The following CHSY3 variants were observed in gnomAD, a reference collection of about 807,000 sequenced individuals.
CHSY3 encodes N-acetylgalactosaminyl-proteoglycan 3-beta-glucuronosyltransferase 3.
A neutral mutation model predicts 67.2 loss-of-function variants in CHSY3; 35 were observed. That is an observed-to-expected ratio of 0.52 (90% CI 0.40 to 0.69). CHSY3 has a LOEUF of 0.69. Ranked by LOEUF, CHSY3 falls within the 30% of genes least tolerant of loss-of-function variation. The pLI, the probability that CHSY3 is intolerant of heterozygous loss-of-function variation, is 0.00. For synonymous variants in CHSY3, 474 were observed against 434.7 expected, an observed-to-expected ratio of 1.09 and a Z score of -1.12; for missense variants, 1,069 against 1,138.5, an observed-to-expected ratio of 0.94 and a Z score of 0.88.
chr5:130,164,268 C>A (rs568419717), intron 2 of CHSY3, among the ~76,000 whole-genome samples: 74 of 152,028 alleles, frequency 4.9e-4, no homozygotes, highest in African/African-American at 1.5e-3. Flanking sequence ...AGCCAGGGTC[C>A]AGGTAATAAG....
At chr5:129,967,087 T>C (rs950662543) in intron 2 of CHSY3, among the ~76,000 whole-genome samples, 1 of 151,808 alleles carries the variant, frequency 6.6e-6, no homozygotes, top group Non-Finnish European at 1.5e-5. Flanking sequence ...CCAAAGCCCT[T>C]GTTTAACATC....
chr5:129,973,327 A>T (rs1441504460), intron 2 of CHSY3, among the ~76,000 whole-genome samples: 1 of 152,148 alleles, frequency 6.6e-6, no homozygotes, highest in Non-Finnish European at 1.5e-5. Context: ...AATTCTATCC[A>T]TAGTCTTAAC....
At chr5:130,140,340 A>C (rs1224348131) in intron 2 of CHSY3, 1 of 558,426 alleles carries the variant, frequency 1.8e-6, no homozygotes, top group Non-Finnish European at 3.2e-6. Flanking sequence ...TCCAAGTAGA[A>C]TACAAGGGAG....
chr5:129,960,553 A>C (rs1002631870), intron 2 of CHSY3, among the ~76,000 whole-genome samples: 27 of 151,990 alleles, frequency 1.8e-4, no homozygotes, highest in African/African-American at 6.5e-4. Context: ...ATACGTGAGA[A>C]AACGGAAATT....
intron 2 of CHSY3, among the ~76,000 whole-genome samples, chr5:129,936,278 C>T (rs1761485976): frequency 6.6e-6 from 1 of 152,122 alleles, no homozygotes; most frequent in African/African-American, 2.4e-5. Flanking sequence ...TGGTTGAAAG[C>T]AAAAGGAACA....
At chr5:130,028,647 G>A (rs1165081738) in intron 2 of CHSY3, among the ~76,000 whole-genome samples, 2 of 152,066 alleles carry the variant, frequency 1.3e-5, no homozygotes, top group African/African-American at 4.8e-5. Context: ...GAAAAGTATA[G>A]GGGTGGTCCT....
chr5:130,019,447 T>A (rs1427870241), intron 2 of CHSY3, among the ~76,000 whole-genome samples: 1 of 152,088 alleles, frequency 6.6e-6, no homozygotes, highest in Non-Finnish European at 1.5e-5. Context: ...CACCAATTAT[T>A]TATGTGGTTG....
rs1231558163 is a variant in CHSY3 at position 130,174,045 on chromosome 5, T to C, written c.1087-10184T>C. On this transcript the variant is annotated intron_variant, in intron 2 of 2. Transcript: ENST00000305031. ...CAATAAGACTCTCCATTTAGTTACATAACTAAATCATCAACAATAAAATGG... is the reference window on the plus strand; with the variant it reads ...CAATAAGACTCTCCATTTAGTTACACAACTAAATCATCAACAATAAAATGG... 2.0e-5 allele frequency among the ~76,000 whole-genome samples: 3 copies of C among 152,204 alleles called. 1 individual carries two copies. The highest frequency in any genetic ancestry group is 4.1e-4 in the South Asian group (2 of 4,826).
intron 2 of CHSY3, among the ~76,000 whole-genome samples, chr5:130,081,235 A>C (rs1042300188): frequency 1.3e-5 from 2 of 151,612 alleles, no homozygotes; most frequent in Admixed American, 6.6e-5. Flanking sequence ...TCTGGACTTC[A>C]GTCAGATAAA....
At chr5:130,114,913 C>T (rs1265060761) in intron 2 of CHSY3, among the ~76,000 whole-genome samples, 2 of 152,048 alleles carry the variant, frequency 1.3e-5, no homozygotes, top group African/African-American at 4.8e-5. Flanking sequence ...CCTGAAGATG[C>T]CACTCAACTA....
chr5:130,158,093 C>T (rs867821666), intron 2 of CHSY3, among the ~76,000 whole-genome samples: 68 of 152,206 alleles, frequency 4.5e-4, no homozygotes, highest in Admixed American at 7.9e-4. Flanking sequence ...CGTCCAGCTT[C>T]TCTACTGCAA....
intron 2 of CHSY3, among the ~76,000 whole-genome samples, chr5:130,059,551 C>A (rs1269856602): frequency 6.6e-6 from 1 of 151,882 alleles, no homozygotes; most frequent in African/African-American, 2.4e-5. Flanking sequence ...CTGGGATGAT[C>A]TTAACTCAAA....
chr5:129,926,274 C>G (rs927087327), intron 2 of CHSY3, among the ~76,000 whole-genome samples: 1 of 151,962 alleles, frequency 6.6e-6, no homozygotes, highest in Admixed American at 6.5e-5. Flanking sequence ...GTCAAGCCCA[C>G]AGGTTATTTT....
intron 2 of CHSY3, among the ~76,000 whole-genome samples, chr5:129,936,744 C>T (rs754598986): frequency 9.9e-5 from 15 of 152,164 alleles, no homozygotes; most frequent in East Asian, 5.8e-4. Context: ...GGGGTATAGA[C>T]GATGACAGTA....
intron 2 of CHSY3, among the ~76,000 whole-genome samples, chr5:129,980,992 G>T (rs934459856): frequency 1.9e-4 from 29 of 149,992 alleles, no homozygotes; most frequent in Non-Finnish European, 4.0e-4. Context: ...GGATTACGAG[G>T]TAAGGAGATC....
At chr5:130,146,547 T>C (rs1253190808) in intron 2 of CHSY3, among the ~76,000 whole-genome samples, 1 of 151,682 alleles carries the variant, frequency 6.6e-6, no homozygotes, top group Non-Finnish European at 1.5e-5. Context: ...TACAGTAGAG[T>C]TAACCATCAC....
At chr5:130,082,141 A>G (rs1246986012) in intron 2 of CHSY3, among the ~76,000 whole-genome samples, 1 of 151,760 alleles carries the variant, frequency 6.6e-6, no homozygotes, top group African/African-American at 2.4e-5. Flanking sequence ...CCAGAACCCA[A>G]ATGTTAGCAT....
chr5:130,015,873 A>G (rs565711712), intron 2 of CHSY3, among the ~76,000 whole-genome samples: 1 of 152,340 alleles, frequency 6.6e-6, no homozygotes, highest in East Asian at 1.9e-4. Context: ...AAAATGTGGT[A>G]TATATACTCC....
At chr5:129,962,912 A>G (rs1301249158) in intron 2 of CHSY3, among the ~76,000 whole-genome samples, 1 of 152,016 alleles carries the variant, frequency 6.6e-6, no homozygotes, top group East Asian at 1.9e-4. Context: ...TAACTTTGGT[A>G]TTGATAGCCC....
Sources: gnomAD v4.1 joint callset for allele counts (sites outside exome capture counted in the v4.1 genomes callset) on GRCh38, gnomAD v4.1.1 for gene constraint, MANE v1.5 for transcripts, NCBI Gene and HGNC (gene_info 2026-07-23, HGNC 2026-07-21) for gene names.